MOGAT3: variants seen among roughly 807,000 people sequenced by gnomAD.
MOGAT3 encodes 2-acylglycerol O-acyltransferase 3.
A neutral mutation model predicts 34.4 loss-of-function variants in MOGAT3; 39 were observed. That is an observed-to-expected ratio of 1.13 (90% CI 0.88 to 1.48). The LOEUF (loss-of-function observed/expected upper bound fraction) is 1.48. Among genes scored for constraint, MOGAT3 ranks in the 40% most tolerant of loss-of-function variants. The pLI is 0.00. For missense variants in MOGAT3, 439 were observed against 438.9 expected (o/e 1.00, Z 0.00); for synonymous variants, 209 against 179.2 (o/e 1.17, Z -1.33).
rs1291421436 is a variant in MOGAT3, at chr7:101,200,239, C to G, written c.283G>C (p.Val95Leu). The G allele has an allele frequency of 1.2e-6, 2 of 1,613,792 alleles. No homozygotes were observed. The highest frequency in any genetic ancestry group is 4.5e-5 in the East Asian group (2 of 44,868). Residue 95 changes from valine to leucine, a missense_variant, in exon 3 of 7, where the codon GTC (valine) becomes CTC (leucine). Val to Leu is a conservative substitution (Grantham distance 32, BLOSUM62 1). Coordinates refer to ENST00000223114, the MANE Select transcript of MOGAT3 (RefSeq NM_178176.4). Reference sequence around the variant, plus strand: ...TCTGCAGGGTGACCCATCACCTTGACAGGATAATAATCCCTTAGTTGTCTC... The same window carrying G: ...TCTGCAGGGTGACCCATCACCTTGAGAGGATAATAATCCCTTAGTTGTCTC... ...IWRQLRDYYPVKLVKTAELPP... is the reference protein window; with the variant it reads ...IWRQLRDYYPLKLVKTAELPP...
At position 101,198,313 on chromosome 7, in the gene MOGAT3, C is replaced by G. The variant is rs1275313463; in HGVS notation, c.546G>C (p.Gln182His). The G allele has an allele frequency of 6.3e-7, 1 of 1,596,468 alleles. No homozygotes were observed. Among genetic ancestry groups the G allele is most frequent in the African/African-American group, 1.3e-5 (1 of 74,628 alleles). The change falls in exon 5 of 7, where the codon CAG (glutamine) becomes CAC (histidine). Residue 182 changes from glutamine (Q) to histidine (H), a missense_variant. Physicochemically the swap from Gln to His is conservative, Grantham distance 24. Transcript: ENST00000223114. The stretch of plus-strand genomic sequence containing the variant: ...CCATGATGACCACGGCCTGCCCGAG[C>G]TGGGGCTGGGACAGGATGAAGTCCA... The part of the protein sequence containing the change: ...QSLDFILSQP[Q>H]LGQAVVIMVG...
Position 101,198,271 on chromosome 7 carries a change from C to T in MOGAT3, c.588G>A (p.Glu196=). ...GCTCCCCGGGGACTGAATACAGGGCCTCGTGCGCACCCCCCACCATGATGA... is the reference window on the plus strand; with the variant it reads ...GCTCCCCGGGGACTGAATACAGGGCTTCGTGCGCACCCCCCACCATGATGA... The part of the protein sequence containing the change: ...AVVIMVGGAH[E]ALYSVPGEHC... Residue 196 remains glutamate, a synonymous_variant, in exon 5 of 7, where the codon GAG becomes GAA. Transcript: ENST00000223114. 3.1e-6 allele frequency: 5 copies of T among 1,611,510 alleles called. No individual in the cohort carries two copies. The highest frequency in any genetic ancestry group is 1.7e-6 in the Non-Finnish European group (2 of 1,178,552).
At chr7:101,193,639 GCTGGTCTTGAACTC>G (rs1312483679), downstream of MOGAT3, among the ~76,000 whole-genome samples, 1 of 152,068 alleles carries the variant, frequency 6.6e-6, no homozygotes, top group Non-Finnish European at 1.5e-5. Flanking sequence ...TGTTGGCCAG[GCTGGTCTTGAACTC>G]CTGGTCTTAG....
downstream of MOGAT3, chr7:101,194,866 T>G (rs1266230284): frequency 6.6e-6 from 1 of 152,280 alleles, no homozygotes; most frequent in Admixed American, 6.6e-5. Context: ...TCCTGTTAAG[T>G]GCCCTTGACT....
chr7:101,196,230 G>A lies in MOGAT3; in HGVS notation c.828C>T (p.Thr276=). 6.3e-7 allele frequency: 1 copy of A among 1,593,414 alleles called. No homozygotes were observed. Among genetic ancestry groups the A allele is most frequent in the Non-Finnish European group, 8.5e-7 (1 of 1,169,746 alleles). The change falls in exon 6 of 7, where the codon ACC becomes ACT. Residue 276 remains threonine (T), a synonymous_variant. Transcript: ENST00000223114. Reference sequence around the variant, plus strand: ...CAGCAAAGGGCAGCAGGCCCCAGGAGGTGGCTGAGAAGAGACCGCGACCCC... The same window carrying A: ...CAGCAAAGGGCAGCAGGCCCCAGGAAGTGGCTGAGAAGAGACCGCGACCCC... ...IFWGRGLFSA[T]SWGLLPFAVP...
chr7:101,195,886 C>T lies in MOGAT3; in HGVS notation c.*60G>A. ...CCTTTTATTGGAGGCATGGAGTCCA[C>T]AGTGGGTGGAGGTCTCAGTGCCTTG... is the stretch of plus-strand genomic sequence containing the variant. On this transcript the variant is annotated 3_prime_UTR_variant, in exon 7 of 7. Coordinates refer to ENST00000223114, the MANE Select transcript of MOGAT3 (RefSeq NM_178176.4). The T allele has an allele frequency of 6.4e-7, 1 of 1,574,710 alleles. No individual in the cohort carries two copies. The highest frequency in any genetic ancestry group is 1.1e-5 in the South Asian group (1 of 89,966).
chr7:101,198,646 C>CGATA lies in MOGAT3; in HGVS notation c.469_472dup (p.Arg158LeufsTer80). 1 of 1,613,386 alleles carries CGATA rather than the reference C, an allele frequency of 6.2e-7. No homozygotes were observed. The highest frequency in any genetic ancestry group is 8.5e-7 in the Non-Finnish European group (1 of 1,180,008). On this transcript the variant is annotated frameshift_variant, in exon 4 of 7. Coordinates refer to ENST00000223114, the MANE Select transcript of MOGAT3 (RefSeq NM_178176.4). LOFTEE classifies it high-confidence loss of function. ...CTCACCAAAGGACATGATGTAGTCGCGATAGACCGGGAGGTAGAAGAGGCC... is the reference window on the plus strand; with the variant it reads ...CTCACCAAAGGACATGATGTAGTCGCGATAGATAGACCGGGAGGTAGAAGAGGCC...
At chr7:101,198,577 A>G in intron 4 of MOGAT3, 49 bp downstream of exon 4, 10 of 1,563,900 alleles carry the variant, frequency 6.4e-6, no homozygotes, top group Non-Finnish European at 8.7e-6. Flanking sequence ...GGGCTGGGGA[A>G]CATCTGGTCA....
rs1232343183 is a variant in MOGAT3 at position 101,195,020 on chromosome 7, T to C, written c.*926A>G. On this transcript the variant is annotated 3_prime_UTR_variant, in exon 7 of 7. Coordinates refer to ENST00000223114, the MANE Select transcript of MOGAT3 (RefSeq NM_178176.4). ...GCCCAACAGCTCTTTGCTAAGCAGA[T>C]GCCTTTATTTACAGACAAAGAAGTA... The C allele has an allele frequency of 1.5e-4, 23 of 152,262 alleles. No homozygotes were observed. Among genetic ancestry groups the C allele is most frequent in the Admixed American group, 1.5e-3 (23 of 15,262 alleles). 9.4% of individuals were successfully genotyped at this position (152,262 alleles called of 1,614,324 possible). A position where few individuals can be genotyped will look rare whatever the true frequency, so the allele number is the denominator to read the frequency against.
chr7:101,197,838 A>G (rs1458426050), intron 5 of MOGAT3, among the ~76,000 whole-genome samples: 1 of 152,192 alleles, frequency 6.6e-6, no homozygotes, highest in Non-Finnish European at 1.5e-5. Flanking sequence ...TTTGCACTCC[A>G]GCCTGGGCGA....
At chr7:101,198,577 A>T in intron 4 of MOGAT3, 49 bp downstream of exon 4, 1 of 1,563,900 alleles carries the variant, frequency 6.4e-7, no homozygotes, top group Non-Finnish European at 8.7e-7. Context: ...GGGCTGGGGA[A>T]CATCTGGTCA....
At chr7:101,198,437 A>G in intron 4 of MOGAT3, 72 bp from the exon 5 acceptor site, 20 of 1,449,730 alleles carry the variant, frequency 1.4e-5, no homozygotes, top group Non-Finnish European at 1.7e-5. Context: ...CCCAGCCTTT[A>G]GTTCCAAGCC....
intron 5 of MOGAT3, among the ~76,000 whole-genome samples, chr7:101,197,954 G>A (rs985315521): frequency 1.3e-5 from 2 of 152,210 alleles, no homozygotes; most frequent in Admixed American, 1.3e-4. Flanking sequence ...TGAGACCGAG[G>A]GCCCTGCTAT....
chr7:101,196,335 C>T lies in MOGAT3; in HGVS notation c.723G>A (p.Lys241=), dbSNP rs142441388. The change falls in exon 6 of 7, where the codon AAG becomes AAA. Residue 241 remains lysine (K), a synonymous_variant. Transcript: ENST00000223114. ...GCTGCCAGGAGCCTGTGGCAAAAGC[C>T]TTAAGTCTAAAGATGTCATTCTCCC... The part of the protein sequence containing the change: ...SFGENDIFRL[K]AFATGSWQHW... The T allele has an allele frequency of 1.0e-3, 1,649 of 1,614,018 alleles. 5 individuals are homozygous for T. The highest frequency in any genetic ancestry group is 1.2e-3 in the Non-Finnish European group (1,450 of 1,179,958).
At chr7:101,199,151 G>A (rs755772493) in intron 3 of MOGAT3, among the ~76,000 whole-genome samples, 20 of 151,878 alleles carry the variant, frequency 1.3e-4, no homozygotes, top group Non-Finnish European at 2.4e-4. Flanking sequence ...GGGATTACAG[G>A]CATGCGAAAC....
At chr7:101,197,847 G>A (rs1797835728) in intron 5 of MOGAT3, among the ~76,000 whole-genome samples, 1 of 152,272 alleles carries the variant, frequency 6.6e-6, no homozygotes, top group South Asian at 2.1e-4. Context: ...CAGCCTGGGC[G>A]ACAGAGCGAG....
chr7:101,200,334 C>A, intron 2 of MOGAT3, 30 bp from the exon 3 acceptor site: 1 of 1,612,438 alleles, frequency 6.2e-7, no homozygotes, highest in Non-Finnish European at 8.5e-7. Context: ...GGTGGACGAA[C>A]CCCCGGAGTC....
chr7:101,194,572 G>A (rs1435101803), downstream of MOGAT3, among the ~76,000 whole-genome samples: 2 of 141,720 alleles, frequency 1.4e-5, no homozygotes, highest in African/African-American at 2.7e-5. Context: ...GCACAATCTC[G>A]GTTCACTGCA....
rs758760172 is a variant in MOGAT3 at position 101,196,080 on chromosome 7, G to A, written c.892C>T (p.Pro298Ser). ...TCCTCGGTGGGGTGGAGGCGCTGGG[G>A]GACGGGGATGGGGCGGCCCACTGCA... ...TTVVGRPIPV[P>S]QRLHPTEEEV... The change falls in exon 7 of 7, where the codon CCC becomes TCC. Residue 298 changes from proline to serine, a missense_variant. Physicochemically the swap from Pro to Ser is moderately conservative, Grantham distance 74 (BLOSUM62 -1). Transcript: ENST00000223114. 4.3e-6 allele frequency: 7 copies of A among 1,611,470 alleles called. No individual in the cohort carries two copies. Among genetic ancestry groups the A allele is most frequent in the African/African-American group, 2.7e-5 (2 of 74,908 alleles).
Sources: gnomAD v4.1 joint callset for allele counts (sites outside exome capture counted in the v4.1 genomes callset) on GRCh38, gnomAD v4.1.1 for gene constraint, MANE v1.5 for transcripts, NCBI Gene and HGNC (gene_info 2026-07-23, HGNC 2026-07-21) for gene names.